The following PRELID2 variants were observed in gnomAD, a reference collection of about 807,000 sequenced individuals.
PRELID2 encodes PRELI domain-containing protein 2.
Under a neutral mutation model 28.4 loss-of-function variants are expected in PRELID2, and 25 were observed. The ratio of observed to expected loss-of-function variants is 0.88; its 90% CI spans 0.64 to 1.23. PRELID2 has a LOEUF of 1.23. Among genes scored for constraint, PRELID2 ranks in the 50% most tolerant of loss-of-function variants. The pLI, the probability that PRELID2 is intolerant of heterozygous loss-of-function variation, is 0.00. For synonymous variants in PRELID2, 76 were observed against 71.6 expected, an observed-to-expected ratio of 1.06 and a Z score of -0.31; for missense variants, 201 against 214.4, an observed-to-expected ratio of 0.94 and a Z score of 0.39.
chr5:145,274,990 T>C, the PRELID2 span, among the ~76,000 whole-genome samples: 2 of 152,124 alleles, frequency 1.3e-5, no homozygotes, highest in African/African-American at 2.4e-5. Flanking sequence ...ATGTCCTCAC[T>C]CTGTCTCTGT....
At chr5:145,328,722 G>A in the PRELID2 span, among the ~76,000 whole-genome samples, 1 of 151,800 alleles carries the variant, frequency 6.6e-6, no homozygotes, top group Non-Finnish European at 1.5e-5. Context: ...CCATTCTGTA[G>A]GTTGCCTGTT....
the PRELID2 span, among the ~76,000 whole-genome samples, chr5:145,359,569 T>C: frequency 6.6e-6 from 1 of 152,220 alleles, no homozygotes; most frequent in Non-Finnish European, 1.5e-5. Flanking sequence ...TTTTCCAGTC[T>C]CAGATAAGTA....
rs367899198 is a variant in PRELID2 at position 145,473,691 on chromosome 5, A to C, written n.71-376T>G. Reference sequence around the variant, plus strand: ...CACAGCAGCCATCTCTGTGAATGGCATTCAGTGCCACGGGAAAGGAACAGG... The same window carrying C: ...CACAGCAGCCATCTCTGTGAATGGCCTTCAGTGCCACGGGAAAGGAACAGG... On this transcript the variant is annotated intron_variant and non_coding_transcript_variant, in intron 1 of 2. Transcript: ENST00000510259. 7.9e-5 allele frequency among the ~76,000 whole-genome samples: 12 copies of C among 152,304 alleles called. No homozygotes were observed. The South Asian group carries it at 1.4e-3, about 18-fold the overall frequency.
chr5:145,762,559 C>T (rs1446806229), intron 6 of PRELID2, among the ~76,000 whole-genome samples: 1 of 152,044 alleles, frequency 6.6e-6, no homozygotes, highest in Non-Finnish European at 1.5e-5. Context: ...CAAAACAAAA[C>T]ACAGAACATG....
rs139523028 is a variant in PRELID2, at chr5:145,637,886, C to T, written n.70+127045G>A. 4.9e-4 allele frequency among the ~76,000 whole-genome samples: 74 copies of T among 150,698 alleles called. No individual in the cohort carries two copies. In the East Asian group the frequency reaches 0.012, roughly 25 times the overall value. On this transcript the variant is annotated intron_variant and non_coding_transcript_variant, in intron 1 of 2. Coordinates refer to the PRELID2 transcript ENST00000510259. ...AGTGCAATGGCACGATCTCGGCTCA[C>T]TGCAACCTCTGGCTCCTGGGTTCAA...
the PRELID2 span, among the ~76,000 whole-genome samples, chr5:145,445,327 T>C: frequency 6.6e-6 from 1 of 152,060 alleles, no homozygotes; most frequent in Admixed American, 6.6e-5. Flanking sequence ...GCTATTCATA[T>C]GCAGAAGAAT....
At chr5:145,256,006 G>A in the PRELID2 span, among the ~76,000 whole-genome samples, 2 of 151,812 alleles carry the variant, frequency 1.3e-5, no homozygotes, top group Non-Finnish European at 2.9e-5. Flanking sequence ...TGTTGCTGCT[G>A]TAGAAAATTA....
intron 1 of PRELID2, among the ~76,000 whole-genome samples, chr5:145,485,576 G>A (rs1415189206): frequency 1.3e-5 from 2 of 152,062 alleles, no homozygotes; most frequent in Non-Finnish European, 2.9e-5. Context: ...TGGCTTCCTC[G>A]CTCGCTATCT....
the PRELID2 span, chr5:145,338,026 A>G: frequency 6.6e-6 from 1 of 152,194 alleles, no homozygotes; most frequent in African/African-American, 2.4e-5. Flanking sequence ...CTTCAAAAAG[A>G]GAGAACATCT....
At chr5:145,504,016 T>C (rs10070628) in intron 1 of PRELID2, among the ~76,000 whole-genome samples, 6,136 of 152,258 alleles carry the variant, frequency 0.04, 389 homozygotes, top group African/African-American at 0.13. Flanking sequence ...ATGAAGAAAC[T>C]GAGGCTCAAA....
At chr5:145,714,042 T>C (rs140168247) in intron 1 of PRELID2, among the ~76,000 whole-genome samples, 65 of 151,954 alleles carry the variant, frequency 4.3e-4, no homozygotes, top group Non-Finnish European at 2.9e-5. Flanking sequence ...AGAGCCAACA[T>C]TTTAGGACAA....
intron 1 of PRELID2, among the ~76,000 whole-genome samples, chr5:145,600,434 A>AAAATATATATATATATAT (rs1315631607): frequency 1.7e-5 from 2 of 120,096 alleles, no homozygotes; most frequent in African/African-American, 8.1e-5. Flanking sequence ...AAAAAAAAAA[A>AAAATATATATATATATAT]ATATATATAT....
At chr5:145,526,235 G>A (rs991554101) in intron 1 of PRELID2, among the ~76,000 whole-genome samples, 34 of 152,104 alleles carry the variant, frequency 2.2e-4, no homozygotes, top group African/African-American at 8.2e-4. Context: ...CTCATCCAAG[G>A]TCACACGTGT....
the PRELID2 span, among the ~76,000 whole-genome samples, chr5:145,412,680 G>T: frequency 6.6e-6 from 1 of 152,150 alleles, no homozygotes; most frequent in Admixed American, 6.6e-5. Flanking sequence ...CACATTTCAG[G>T]TGTCTTTATA....
At chr5:145,464,090 A>C in the PRELID2 span, among the ~76,000 whole-genome samples, 1 of 152,288 alleles carries the variant, frequency 6.6e-6, no homozygotes, top group Admixed American at 6.5e-5. Context: ...CATATTAAAG[A>C]TATTAAATCC....
At chr5:145,421,216 T>A in the PRELID2 span, among the ~76,000 whole-genome samples, 8 of 149,174 alleles carry the variant, frequency 5.4e-5, no homozygotes, top group Admixed American at 6.7e-5. Context: ...TGTCTCTGCC[T>A]GGCTTTGGTA....
the PRELID2 span, among the ~76,000 whole-genome samples, chr5:145,338,648 G>C: frequency 6.6e-6 from 1 of 152,132 alleles, no homozygotes; most frequent in Non-Finnish European, 1.5e-5. Flanking sequence ...TATATATATT[G>C]AGTAATCAGT....
At chr5:145,701,185 A>T (rs1329508946) in intron 1 of PRELID2, among the ~76,000 whole-genome samples, 3 of 152,202 alleles carry the variant, frequency 2.0e-5, no homozygotes, top group Non-Finnish European at 4.4e-5. Context: ...GAACAAAGAG[A>T]TTATTTAAAA....
chr5:145,593,995 C>A (rs1019991316), intron 1 of PRELID2, among the ~76,000 whole-genome samples: 2 of 151,984 alleles, frequency 1.3e-5, no homozygotes, highest in African/African-American at 2.4e-5. Context: ...TAAAGAATAT[C>A]TTTTGTCTTT....
Sources: allele counts gnomAD v4.1 joint callset (sites outside exome capture counted in the v4.1 genomes callset), GRCh38; gene constraint gnomAD v4.1.1; transcripts MANE v1.5; gene names NCBI Gene and HGNC (gene_info 2026-07-23, HGNC 2026-07-21).